The following DNAI1 variants were observed in gnomAD, a reference collection of about 807,000 sequenced individuals.
DNAI1 encodes dynein, axonemal, intermediate polypeptide 1.
DNAI1 carries 67 observed loss-of-function variants against 92.0 expected under a neutral mutation model. That is an observed-to-expected ratio of 0.73 (90% CI 0.60 to 0.89). DNAI1 has a LOEUF of 0.89. Ranked by LOEUF, DNAI1 falls within the 40% of genes least tolerant of loss-of-function variation. The probability of loss-of-function intolerance (pLI) is 0.00; values close to 1 mark genes in which losing one functional copy is unlikely to be tolerated. For synonymous variants in DNAI1, 323 were observed against 319.6 expected (o/e 1.01, Z -0.11); for missense variants, 839 against 866.6 (o/e 0.97, Z 0.40).
At position 34,500,769 on chromosome 9, in the gene DNAI1, G is replaced by A; in HGVS notation, c.949G>A (p.Gly317Ser). The A allele has an allele frequency of 6.2e-7, 1 of 1,614,054 alleles. No individual in the cohort carries two copies. Among genetic ancestry groups the A allele is most frequent in the Non-Finnish European group, 8.5e-7 (1 of 1,180,012 alleles). The change falls in exon 11 of 20, where the codon GGT becomes AGT. Residue 317 changes from glycine (G) to serine (S), a missense_variant. By Grantham distance (56) the Gly-to-Ser change is moderately conservative. Transcript: ENST00000242317. ...TGCTGATGAATACCGGGACCAGGTG[G>A]GTACCCTGCTGCCGCTCTGGAAGTT... ...DAADEYRDQVGTLLPLWKFQN... is the reference protein window; with the variant it reads ...DAADEYRDQVSTLLPLWKFQN...
In DNAI1 at chr9:34,511,980, T is replaced by C. The variant is rs1336513995; in HGVS notation, c.1312-129T>C. ...GAGGGAGAAAGGACCAATCATGGGATTCTGGGAAATGGGCTCCCAGAAGTT... is the reference window on the plus strand; with the variant it reads ...GAGGGAGAAAGGACCAATCATGGGACTCTGGGAAATGGGCTCCCAGAAGTT... On this transcript the variant is annotated intron_variant, in intron 13 of 19. Transcript: ENST00000242317. The C allele has an allele frequency of 3.7e-6, 3 of 802,124 alleles. No individual in the cohort carries two copies. In the African/African-American group the frequency reaches 5.1e-5, roughly 14 times the overall value. The allele number at this position is 802,124 out of a possible 1,614,324, so 49.7% of individuals were successfully genotyped here.
At chr9:34,470,569 G>T (rs1260111451) in intron 1 of DNAI1, among the ~76,000 whole-genome samples, 2 of 152,268 alleles carry the variant, frequency 1.3e-5, no homozygotes, top group East Asian at 3.9e-4. Context: ...AAATCACAAA[G>T]TGTATGCCTC....
intron 1 of DNAI1, among the ~76,000 whole-genome samples, chr9:34,460,798 A>G (rs910829194): frequency 1.1e-4 from 16 of 152,048 alleles, no homozygotes; most frequent in Non-Finnish European, 2.2e-4. Context: ...AGCTGGGATT[A>G]CAGGCATGCA....
intron 7 of DNAI1, 109 bp downstream of exon 7, chr9:34,490,597 G>A: frequency 2.1e-6 from 3 of 1,444,626 alleles, no homozygotes; most frequent in Non-Finnish European, 1.9e-6. Context: ...GGGGTGACAG[G>A]ACAACAGATG....
intron 13 of DNAI1, among the ~76,000 whole-genome samples, chr9:34,509,686 T>C (rs72735254): frequency 0.05 from 7,563 of 151,888 alleles, 276 homozygotes; most frequent in Non-Finnish European, 0.065. Context: ...GCAGGGGCAG[T>C]GGAGACAGAA....
At chr9:34,474,566 C>T (rs28537917) in intron 1 of DNAI1, among the ~76,000 whole-genome samples, 11 of 132,366 alleles carry the variant, frequency 8.3e-5, no homozygotes, top group South Asian at 2.3e-4. Context: ...TTTTTTTTTT[C>T]CTTTTTTTTT....
intron 19 of DNAI1, among the ~76,000 whole-genome samples, chr9:34,518,355 C>G (rs758767377): frequency 5.9e-5 from 9 of 152,246 alleles, no homozygotes; most frequent in Non-Finnish European, 1.3e-4. Flanking sequence ...GAAGGGACTG[C>G]GGCACCATCC....
Position 34,493,183 on chromosome 9 carries a change from C to A in DNAI1, c.682-11C>A, listed in dbSNP as rs186333447. 20 of 1,614,178 alleles carry A rather than the reference C, an allele frequency of 1.2e-5. No homozygotes were observed. The highest frequency in any genetic ancestry group is 1.7e-5 in the Non-Finnish European group (20 of 1,180,034). ...CCTTACAATGATCCTTCTTATCTCA[C>A]CCTTGCCTAGTGGGAGATCTATGAT... is the stretch of plus-strand genomic sequence containing the variant. On this transcript the variant is annotated splice_polypyrimidine_tract_variant and intron_variant, in intron 8 of 19. Coordinates refer to ENST00000242317, the MANE Select transcript of DNAI1 (RefSeq NM_012144.4).
At chr9:34,485,031 A>C in intron 2 of DNAI1, 111 bp from the exon 3 acceptor site, 1 of 1,020,964 alleles carries the variant, frequency 9.8e-7, no homozygotes, top group Admixed American at 1.8e-5. Flanking sequence ...TGTATTCTAC[A>C]TACAAGGGGC....
intron 18 of DNAI1, 121 bp from the exon 19 acceptor site, chr9:34,517,164 C>A: frequency 9.6e-7 from 1 of 1,046,868 alleles, no homozygotes; most frequent in Non-Finnish European, 1.4e-6. Flanking sequence ...CCACCTCCAG[C>A]TCCAGTGTGC....
chr9:34,472,377 C>G (rs573871758), intron 1 of DNAI1, among the ~76,000 whole-genome samples: 2 of 152,328 alleles, frequency 1.3e-5, no homozygotes, highest in Non-Finnish European at 2.9e-5. Flanking sequence ...AGAGCTCCAG[C>G]TTTTAAATCC....
At chr9:34,475,311 C>T (rs960965704) in intron 1 of DNAI1, among the ~76,000 whole-genome samples, 8 of 152,206 alleles carry the variant, frequency 5.3e-5, no homozygotes, top group Non-Finnish European at 1.0e-4. Context: ...TAAACGAAGT[C>T]TCCTGGGCCC....
At chr9:34,503,270 C>T (rs1448742585) in intron 12 of DNAI1, among the ~76,000 whole-genome samples, 1 of 152,168 alleles carries the variant, frequency 6.6e-6, no homozygotes, top group African/African-American at 2.4e-5. Context: ...CCTGAGCTTG[C>T]CTCTGGGAGT....
chr9:34,482,667 G>C (rs576553975), intron 1 of DNAI1, among the ~76,000 whole-genome samples: 2 of 152,282 alleles, frequency 1.3e-5, no homozygotes, highest in African/African-American at 4.8e-5. Flanking sequence ...GACTCTCCAC[G>C]TCCCCACCAG....
chr9:34,485,800 A>AT (rs1411321282), intron 4 of DNAI1, among the ~76,000 whole-genome samples: 1 of 152,176 alleles, frequency 6.6e-6, no homozygotes, highest in African/African-American at 2.4e-5. Context: ...TGCTTTTCTG[A>AT]TATATGTAAC....
Position 34,489,230 on chromosome 9 carries a change from G to A in DNAI1, c.262-93G>A, listed in dbSNP as rs143525482. 5.3e-4 allele frequency: 774 copies of A among 1,467,468 alleles called. 6 individuals carry two copies. The African/African-American group carries it at 9.2e-3, about 17-fold the overall frequency. The allele number at this position is 1,467,468 out of a possible 1,614,324, so 90.9% of individuals were successfully genotyped here. Reference sequence around the variant, plus strand: ...AGTTACATTTCCTTTAACAAAGATGGACTGTCTTTGATCTTAGAGAATGAA... The same window carrying A: ...AGTTACATTTCCTTTAACAAAGATGAACTGTCTTTGATCTTAGAGAATGAA... On this transcript the variant is annotated intron_variant, in intron 4 of 19. Coordinates refer to ENST00000242317, the MANE Select transcript of DNAI1 (RefSeq NM_012144.4).
At position 34,517,390 on chromosome 9, in the gene DNAI1, C is replaced by G. The variant is rs1825190157; in HGVS notation, c.1924C>G (p.Pro642Ala). The G allele has an allele frequency of 2.5e-6, 4 of 1,614,066 alleles. No homozygotes were observed. Among genetic ancestry groups the G allele is most frequent in the Admixed American group, 3.3e-5 (2 of 60,002 alleles). The part of the protein sequence containing the change: ...LTHVQFNLIH[P>A]IIIVGDDRGH... Reference sequence around the variant, plus strand: ...CCACGTGCAGTTCAATCTCATCCACCCCATCATCATTGTGGGCGATGACCG... The same window carrying G: ...CCACGTGCAGTTCAATCTCATCCACGCCATCATCATTGTGGGCGATGACCG... The change falls in exon 19 of 20, where the codon CCC (proline) becomes GCC (alanine). Residue 642 changes from proline (P) to alanine (A), a missense_variant. By Grantham distance (27) the Pro-to-Ala change is conservative. Coordinates refer to ENST00000242317, the MANE Select transcript of DNAI1 (RefSeq NM_012144.4).
chr9:34,473,512 G>A (rs1022637954), intron 1 of DNAI1, among the ~76,000 whole-genome samples: 7 of 151,972 alleles, frequency 4.6e-5, no homozygotes, highest in South Asian at 2.1e-4. Flanking sequence ...GGCTGATTTC[G>A]AGCTCCTGAC....
chr9:34,487,711 C>T (rs1428681400), intron 4 of DNAI1, among the ~76,000 whole-genome samples: 3 of 152,076 alleles, frequency 2.0e-5, no homozygotes, highest in African/African-American at 7.2e-5. Context: ...ATTGCCTTGT[C>T]AATTTCAACG....
Sources: allele counts gnomAD v4.1 joint callset (sites outside exome capture counted in the v4.1 genomes callset), GRCh38; gene constraint gnomAD v4.1.1; transcripts MANE v1.5; gene names NCBI Gene and HGNC (gene_info 2026-07-23, HGNC 2026-07-21).